The following ZFHX3 variants were observed in gnomAD, a reference collection of about 807,000 sequenced individuals.
ZFHX3 encodes zinc finger homeobox protein 3.
In ZFHX3, 42 loss-of-function variants were observed where a neutral mutation model predicts 279.1. That is an observed-to-expected ratio of 0.15 (90% CI 0.12 to 0.19). ZFHX3 has a LOEUF of 0.19. ZFHX3 is among the 10% of genes least tolerant of loss of function. The probability of loss-of-function intolerance (pLI) is 1.00; values close to 1 mark genes in which losing one functional copy is unlikely to be tolerated. For synonymous variants in ZFHX3, 2,293 were observed against 1,957.8 expected (o/e 1.17, Z -4.52); for missense variants, 4,981 against 4,754.0 (o/e 1.05, Z -1.40).
At chr16:72,817,389 C>T (rs191172067) in intron 5 of ZFHX3, among the ~76,000 whole-genome samples, 2 of 152,254 alleles carry the variant, frequency 1.3e-5, no homozygotes, top group East Asian at 3.9e-4. Flanking sequence ...ACTCTGAAGC[C>T]AAGTAAGGCG....
At chr16:73,723,313 G>C (rs1337158702) in intron 1 of ZFHX3, among the ~76,000 whole-genome samples, 3 of 152,202 alleles carry the variant, frequency 2.0e-5, no homozygotes, top group African/African-American at 7.2e-5. Flanking sequence ...AAGATATTCA[G>C]AAGGTAGATT....
At chr16:73,108,324 AC>A (rs1966329348) in intron 7 of ZFHX3, among the ~76,000 whole-genome samples, 1 of 133,158 alleles carries the variant, frequency 7.5e-6, no homozygotes. Context: ...ACAGAGCAAG[AC>A]CTTACCTTAA....
At chr16:72,853,043 C>T (rs966645613) in intron 4 of ZFHX3, among the ~76,000 whole-genome samples, 4 of 152,314 alleles carry the variant, frequency 2.6e-5, no homozygotes, top group East Asian at 1.9e-4. Context: ...TGAACCATCA[C>T]GTCAACATGT....
At chr16:73,260,876 G>A (rs759114191) in intron 4 of ZFHX3, among the ~76,000 whole-genome samples, 1 of 151,878 alleles carries the variant, frequency 6.6e-6, no homozygotes, top group Non-Finnish European at 1.5e-5. Context: ...AGAGACGGGG[G>A]TTTCACCATG....
At chr16:73,730,368 AAAAAAAAG>A (rs2053559221) in intron 1 of ZFHX3, among the ~76,000 whole-genome samples, 1 of 150,696 alleles carries the variant, frequency 6.6e-6, no homozygotes, top group African/African-American at 2.4e-5. Flanking sequence ...AAAAAAAAAA[AAAAAAAAG>A]AAAAAGAGAG....
At chr16:73,651,943 A>C (rs980024238) in intron 2 of ZFHX3, among the ~76,000 whole-genome samples, 2 of 152,084 alleles carry the variant, frequency 1.3e-5, no homozygotes, top group African/African-American at 4.8e-5. Context: ...ATTAATCTTC[A>C]TTATGGTAAA....
chr16:72,902,216 A>G (rs1352485305), intron 3 of ZFHX3, among the ~76,000 whole-genome samples: 1 of 152,324 alleles, frequency 6.6e-6, no homozygotes, highest in East Asian at 1.9e-4. Flanking sequence ...TCCCAGAATC[A>G]TCCTAACGGA....
chr16:72,793,672 ACTT>A lies in ZFHX3; in HGVS notation c.9007_9009del (p.Lys3003del), dbSNP rs751017331. 2.5e-6 allele frequency: 4 copies of A among 1,613,976 alleles called. No individual in the cohort carries two copies. The highest frequency in any genetic ancestry group is 2.2e-5 in the East Asian group (1 of 44,862). The stretch of plus-strand genomic sequence containing the variant: ...AAATGCTTGGCCATGCTTAACTTGG[ACTT>A]CTTTTCTTTTGCCCGGGCATTCTGG... On this transcript the variant is annotated inframe_deletion, in exon 9 of 10. Coordinates refer to ENST00000268489, the MANE Select transcript of ZFHX3 (RefSeq NM_006885.4). This position sits in a 1 kb window ranked among gnomAD's most constrained non-coding sequence, Gnocchi z 4.3.
rs745488121 is a variant in ZFHX3, at chr16:72,796,240, G to T, written c.6442C>A (p.Pro2148Thr). 1 of 1,614,132 alleles carries T rather than the reference G, an allele frequency of 6.2e-7. No individual in the cohort carries two copies. The highest frequency in any genetic ancestry group is 2.2e-5 in the East Asian group (1 of 44,874). ...PTLLQQQNKR[P>T]RTRITDDQLR... ...TGATCATCTGTGATCCTGGTGCGAG[G>T]CCTCTTGTTCTGCTGCTGGAGCAGG... is the stretch of plus-strand genomic sequence containing the variant. The change falls in exon 9 of 10, where the codon CCT becomes ACT. Residue 2148 changes from proline to threonine, a missense_variant. This residue lies in a region of ZFHX3 where 177 missense variants were observed against 244.2 expected (regional missense o/e 0.72). Coordinates refer to ENST00000268489, the MANE Select transcript of ZFHX3 (RefSeq NM_006885.4).
intron 3 of ZFHX3, among the ~76,000 whole-genome samples, chr16:73,344,029 T>C (rs2016081415): frequency 6.6e-6 from 1 of 152,212 alleles, no homozygotes; most frequent in South Asian, 2.1e-4. Flanking sequence ...CTAAAACTAG[T>C]AGGTGAATGT....
At chr16:73,890,647 T>C (rs545749969) in intron 1 of ZFHX3, among the ~76,000 whole-genome samples, 1 of 152,320 alleles carries the variant, frequency 6.6e-6, no homozygotes, top group South Asian at 2.1e-4. Context: ...AAAGCCTTGG[T>C]ATCCCAGCCC....
chr16:73,446,359 G>A (rs2018185344), intron 3 of ZFHX3, among the ~76,000 whole-genome samples: 1 of 152,190 alleles, frequency 6.6e-6, no homozygotes, highest in Admixed American at 6.5e-5. Flanking sequence ...GGTGGAAGGG[G>A]AAAGAAACGT....
At chr16:72,885,927 C>T (rs886597017) in intron 4 of ZFHX3, among the ~76,000 whole-genome samples, 1 of 152,144 alleles carries the variant, frequency 6.6e-6, no homozygotes, top group African/African-American at 2.4e-5. Context: ...GATGACATTT[C>T]TAGCTGAAAA....
chr16:73,399,033 ATT>A (rs531100796), intron 3 of ZFHX3, among the ~76,000 whole-genome samples: 74 of 139,572 alleles, frequency 5.3e-4, no homozygotes, highest in African/African-American at 1.8e-3. Context: ...CCCCCCGCTA[ATT>A]TTTTTTTTTT....
chr16:73,689,054 C>A (rs1290792826), intron 1 of ZFHX3, among the ~76,000 whole-genome samples: 2 of 152,168 alleles, frequency 1.3e-5, no homozygotes, highest in Non-Finnish European at 2.9e-5. Context: ...CAAGCCCAAA[C>A]AAACACAATG....
chr16:72,895,113 C>CA (rs1313982626), intron 3 of ZFHX3, among the ~76,000 whole-genome samples: 1 of 152,200 alleles, frequency 6.6e-6, no homozygotes, highest in Non-Finnish European at 1.5e-5. Flanking sequence ...CAACACGAGA[C>CA]ACTGCATGCA....
At position 73,422,310 on chromosome 16, in the gene ZFHX3, A is replaced by C. The variant is rs140224403; in HGVS notation, c.-1291+33693T>G. 9.9e-5 allele frequency among the ~76,000 whole-genome samples: 15 copies of C among 151,908 alleles called. No homozygotes were observed. In the East Asian group the frequency reaches 2.7e-3, roughly 28 times the overall value. Reference sequence around the variant, plus strand: ...TCAATGGCTCCAGCATATCCTAAACATCCTGACAACAGAGCTTTGGAGGTT... The same window carrying C: ...TCAATGGCTCCAGCATATCCTAAACCTCCTGACAACAGAGCTTTGGAGGTT... On this transcript the variant is annotated intron_variant, in intron 3 of 17. Transcript: ENST00000641206.
At chr16:73,848,218 G>A (rs1302801251) in intron 1 of ZFHX3, among the ~76,000 whole-genome samples, 1 of 152,068 alleles carries the variant, frequency 6.6e-6, no homozygotes, top group Non-Finnish European at 1.5e-5. Flanking sequence ...TCAGAACTGA[G>A]ACAAGGACCA....
At chr16:73,021,830 C>CAAAAAAAAA (rs60811631) in intron 1 of ZFHX3, among the ~76,000 whole-genome samples, 1 of 71,822 alleles carries the variant, frequency 1.4e-5, no homozygotes, top group Admixed American at 1.6e-4. Context: ...GACTCCATCT[C>CAAAAAAAAA]AAAAAAAAAA....
Sources: allele counts gnomAD v4.1 joint callset (sites outside exome capture counted in the v4.1 genomes callset), GRCh38; gene constraint gnomAD v4.1.1; regional missense constraint gnomAD v4.1.1; non-coding constraint Gnocchi (gnomAD v3.1); transcripts MANE v1.5; gene names NCBI Gene and HGNC (gene_info 2026-07-23, HGNC 2026-07-21).